Variants in SCHIP1 observed in about 807,000 individuals in gnomAD.
SCHIP1 encodes the protein schwannomin interacting protein 1.
Under a neutral mutation model 29.7 loss-of-function variants are expected in SCHIP1, and 8 were observed. The observed-to-expected ratio is 0.27, with a 90% CI of 0.16 to 0.49. The LOEUF (loss-of-function observed/expected upper bound fraction) is 0.49. Ranked by LOEUF, SCHIP1 falls within the 20% of genes least tolerant of loss-of-function variation. SCHIP1 has a pLI of 0.99. For missense variants in SCHIP1, 193 were observed against 294.6 expected (o/e 0.66, Z 2.52); for synonymous variants, 76 against 94.9 (o/e 0.80, Z 1.16).
the SCHIP1 span, among the ~76,000 whole-genome samples, chr3:159,492,264 G>A: frequency 3.9e-3 from 587 of 152,326 alleles, 3 homozygotes; most frequent in African/African-American, 0.013. Context: ...TGACTTTGAC[G>A]AGTTGAGAGA....
chr3:159,843,505 T>C (rs548123570), intron 1 of SCHIP1, among the ~76,000 whole-genome samples: 1 of 152,178 alleles, frequency 6.6e-6, no homozygotes, highest in East Asian at 1.9e-4. Flanking sequence ...ATGTCTACTA[T>C]TTGTAAAATT....
the SCHIP1 span, among the ~76,000 whole-genome samples, chr3:159,328,789 A>T: frequency 1.3e-5 from 2 of 152,182 alleles, no homozygotes; most frequent in African/African-American, 4.8e-5. Context: ...AAGAGAATGA[A>T]TTTTGTGATC....
the SCHIP1 span, among the ~76,000 whole-genome samples, chr3:159,553,503 C>G: frequency 2.0e-5 from 3 of 152,100 alleles, no homozygotes; most frequent in African/African-American, 7.2e-5. Context: ...AGAAGAAAAA[C>G]AAATAGAAAT....
the SCHIP1 span, among the ~76,000 whole-genome samples, chr3:159,476,269 G>T: frequency 6.6e-6 from 1 of 152,106 alleles, no homozygotes; most frequent in Non-Finnish European, 1.5e-5. Context: ...GTACTCACTA[G>T]CATTAATTTA....
the SCHIP1 span, among the ~76,000 whole-genome samples, chr3:159,414,344 C>T: frequency 2.6e-5 from 4 of 152,040 alleles, no homozygotes; most frequent in African/African-American, 4.8e-5. Flanking sequence ...GGAGTTGACC[C>T]GGTAAGCATT....
chr3:159,589,155 T>A, the SCHIP1 span, among the ~76,000 whole-genome samples: 1 of 152,310 alleles, frequency 6.6e-6, no homozygotes, highest in Non-Finnish European at 1.5e-5. Flanking sequence ...CAGTGGTTTG[T>A]GGTTTTCCTT....
the SCHIP1 span, among the ~76,000 whole-genome samples, chr3:159,680,626 T>C: frequency 1.1e-5 from 1 of 91,228 alleles, no homozygotes; most frequent in Admixed American, 1.9e-4. Flanking sequence ...ATATATAATA[T>C]ATATTTTATA....
At chr3:159,730,731 A>G in the SCHIP1 span, among the ~76,000 whole-genome samples, 1 of 152,170 alleles carries the variant, frequency 6.6e-6, no homozygotes, top group South Asian at 2.1e-4. Context: ...AAGCAAATAA[A>G]TCATGTATTT....
At chr3:159,667,123 T>C in the SCHIP1 span, among the ~76,000 whole-genome samples, 3 of 152,212 alleles carry the variant, frequency 2.0e-5, no homozygotes, top group Non-Finnish European at 2.9e-5. Context: ...CTTGGGATAG[T>C]AGAGGGGGAG....
At chr3:159,573,365 C>T in the SCHIP1 span, among the ~76,000 whole-genome samples, 2 of 151,984 alleles carry the variant, frequency 1.3e-5, no homozygotes, top group Admixed American at 1.3e-4. Context: ...TTCTCCTTCA[C>T]TTATGAAGCT....
At chr3:159,772,264 C>A in the SCHIP1 span, among the ~76,000 whole-genome samples, 1 of 152,166 alleles carries the variant, frequency 6.6e-6, no homozygotes, top group Non-Finnish European at 1.5e-5. Flanking sequence ...AATTCTCATG[C>A]CTCAGCCTCC....
At chr3:159,425,825 A>C in the SCHIP1 span, among the ~76,000 whole-genome samples, 1 of 152,194 alleles carries the variant, frequency 6.6e-6, no homozygotes, top group African/African-American at 2.4e-5. Context: ...AAAAGAACAG[A>C]AATTATAACA....
rs987531866 is a variant in SCHIP1, at chr3:159,878,961, A to C, written c.150-7246A>C. ...AGATGTATTTCCTGACTTTTTTTCTATGCATATATCTCCATATTTTTGTTT... is the reference window on the plus strand; with the variant it reads ...AGATGTATTTCCTGACTTTTTTTCTCTGCATATATCTCCATATTTTTGTTT... On this transcript the variant is annotated intron_variant, in intron 2 of 6. Coordinates refer to ENST00000445224, the Ensembl canonical transcript of SCHIP1. Among the ~76,000 whole-genome samples the C allele has an allele frequency of 1.1e-4, 17 of 149,774 alleles. No homozygotes were observed. The East Asian group carries it at 3.3e-3, about 29-fold the overall frequency.
the SCHIP1 span, among the ~76,000 whole-genome samples, chr3:159,465,090 T>C: frequency 1.3e-5 from 2 of 152,064 alleles, no homozygotes; most frequent in Non-Finnish European, 2.9e-5. Context: ...TCTCCACAAG[T>C]AAAGGAGTGT....
the SCHIP1 span, among the ~76,000 whole-genome samples, chr3:159,704,940 C>T: frequency 3.1e-5 from 2 of 65,434 alleles, no homozygotes; most frequent in East Asian, 3.8e-4. Flanking sequence ...TTCTTTCTTT[C>T]CTTTCTTTCT....
the SCHIP1 span, among the ~76,000 whole-genome samples, chr3:159,322,435 C>G: frequency 6.6e-6 from 1 of 152,212 alleles, no homozygotes; most frequent in Non-Finnish European, 1.5e-5. Context: ...TGCTAACTTT[C>G]TGATAACCCA....
chr3:159,274,033 T>C, the SCHIP1 span: 2 of 1,451,008 alleles, frequency 1.4e-6, no homozygotes, highest in Non-Finnish European at 1.8e-6. Flanking sequence ...ATTTAAGGTA[T>C]ATTGGAATGT....
At chr3:159,862,671 C>T (rs1370073758) in intron 1 of SCHIP1, among the ~76,000 whole-genome samples, 1 of 152,026 alleles carries the variant, frequency 6.6e-6, no homozygotes, top group Admixed American at 6.5e-5. Flanking sequence ...AATTCTCAGA[C>T]CTTTGTAGGA....
At position 159,886,415 on chromosome 3, in the gene SCHIP1, A is replaced by G; in HGVS notation, c.267+91A>G. On this transcript the variant is annotated intron_variant, in intron 3 of 6. Transcript: ENST00000445224. ...GTTGTAAGGTGAATCAGGAACAAAC[A>G]TTTCAGAGATTAAAGAAGAAAAGTT... 2.5e-6 allele frequency: 3 copies of G among 1,184,988 alleles called. No individual in the cohort carries two copies. In the South Asian group the frequency reaches 4.3e-5, roughly 17 times the overall value. 73.4% of individuals were successfully genotyped at this position (1,184,988 alleles called of 1,614,324 possible).
Sources: gnomAD v4.1 joint callset for allele counts (sites outside exome capture counted in the v4.1 genomes callset) on GRCh38, gnomAD v4.1.1 for gene constraint, MANE v1.5 for transcripts, NCBI Gene and HGNC (gene_info 2026-07-23, HGNC 2026-07-21) for gene names.